KCNG2: variants seen among roughly 807,000 people sequenced by gnomAD.
KCNG2 encodes voltage-gated potassium channel regulatory subunit KCNG2.
In KCNG2, 7 loss-of-function variants were observed where a neutral mutation model predicts 12.3. That is an observed-to-expected ratio of 0.57 (90% CI 0.32 to 1.07). KCNG2 has a LOEUF of 1.07. Ranked by LOEUF, KCNG2 falls within the 50% of genes least tolerant of loss-of-function variation. The probability of loss-of-function intolerance (pLI) is 0.04; values close to 1 mark genes in which losing one functional copy is unlikely to be tolerated. For synonymous variants in KCNG2, 414 were observed against 351.4 expected, an observed-to-expected ratio of 1.18 and a Z score of -1.99; for missense variants, 703 against 726.0, an observed-to-expected ratio of 0.97 and a Z score of 0.36.
intron 1 of KCNG2, among the ~76,000 whole-genome samples, chr18:79,824,187 CAG>C (rs1308246225): frequency 6.6e-6 from 1 of 152,176 alleles, no homozygotes; most frequent in East Asian, 1.9e-4. Context: ...TTTGTAGAGA[CAG>C]GGTTTCGCCA....
chr18:79,866,576 C>T (rs1420382644), intron 3 of KCNG2, among the ~76,000 whole-genome samples: 2 of 120,238 alleles, frequency 1.7e-5, no homozygotes, highest in African/African-American at 6.4e-5. Context: ...GCCGAGGTCT[C>T]TGTGCTGAGA....
chr18:79,825,228 G>A (rs1290515406), intron 1 of KCNG2, among the ~76,000 whole-genome samples: 2 of 152,138 alleles, frequency 1.3e-5, no homozygotes, highest in African/African-American at 4.8e-5. Context: ...TTTCAAATGT[G>A]TTTGCAAAGA....
intron 3 of KCNG2, among the ~76,000 whole-genome samples, chr18:79,889,741 C>T (rs1980680537): frequency 6.6e-6 from 1 of 152,248 alleles, no homozygotes; most frequent in South Asian, 2.1e-4. Context: ...TTTAACCTGC[C>T]TGATCGTCCT....
intron 1 of KCNG2, among the ~76,000 whole-genome samples, chr18:79,828,179 C>T (rs979669803): frequency 1.3e-5 from 2 of 152,230 alleles, no homozygotes; most frequent in African/African-American, 2.4e-5. Flanking sequence ...CCCACCTCGG[C>T]CTCCCAAAGT....
At chr18:79,857,108 C>G (rs1255480168) in intron 2 of KCNG2, among the ~76,000 whole-genome samples, 2 of 125,078 alleles carry the variant, frequency 1.6e-5, no homozygotes, top group East Asian at 4.9e-4. Context: ...TTGGATGAAT[C>G]GGACTTGTCT....
chr18:79,878,372 T>C (rs12605440), intron 3 of KCNG2, among the ~76,000 whole-genome samples: 43,953 of 59,536 alleles, frequency 0.74, 16,725 homozygotes, highest in Middle Eastern at 0.9. Flanking sequence ...CTGATGCCCA[T>C]GTGGCAGTGT....
chr18:79,862,297 G>C (rs1037947109), intron 2 of KCNG2, among the ~76,000 whole-genome samples: 1 of 152,214 alleles, frequency 6.6e-6, no homozygotes, highest in Non-Finnish European at 1.5e-5. Flanking sequence ...AGTAACTTTT[G>C]TGAACTAATT....
At chr18:79,818,453 C>T (rs774418081) in intron 1 of KCNG2, among the ~76,000 whole-genome samples, 6 of 152,110 alleles carry the variant, frequency 3.9e-5, no homozygotes, top group African/African-American at 1.2e-4. Flanking sequence ...CTGGCCCCCT[C>T]GATTTTTCTA....
intron 1 of KCNG2, among the ~76,000 whole-genome samples, chr18:79,840,071 T>C (rs2123036146): frequency 6.6e-6 from 1 of 152,306 alleles, no homozygotes; most frequent in South Asian, 2.1e-4. Context: ...GCAAAAATGC[T>C]CACTTTCATC....
intron 3 of KCNG2, among the ~76,000 whole-genome samples, chr18:79,885,298 C>G (rs574700955): frequency 6.6e-6 from 1 of 152,364 alleles, no homozygotes; most frequent in South Asian, 2.1e-4. Context: ...GTGAGCCAGG[C>G]TGAACGTAGA....
chr18:79,871,389 G>C (rs1164356346), intron 3 of KCNG2, among the ~76,000 whole-genome samples: 1 of 152,208 alleles, frequency 6.6e-6, no homozygotes, highest in African/African-American at 2.4e-5. Context: ...CGCAGGCAGA[G>C]TTGTCCTGGA....
intron 1 of KCNG2, among the ~76,000 whole-genome samples, chr18:79,852,035 C>T (rs1450108484): frequency 2.0e-5 from 3 of 152,150 alleles, no homozygotes; most frequent in South Asian, 2.1e-4. Context: ...CCTTGCGGAC[C>T]GCGGCACTCA....
intron 1 of KCNG2, among the ~76,000 whole-genome samples, chr18:79,830,517 T>C (rs938635513): frequency 6.6e-6 from 1 of 152,116 alleles, no homozygotes; most frequent in African/African-American, 2.4e-5. Flanking sequence ...GTGTTCAAAG[T>C]AGGAAGGGTG....
At chr18:79,821,197 C>T (rs953003273) in intron 1 of KCNG2, among the ~76,000 whole-genome samples, 1 of 151,926 alleles carries the variant, frequency 6.6e-6, no homozygotes, top group African/African-American at 2.4e-5. Context: ...TTGCCAAATC[C>T]AACATCATGA....
chr18:79,833,534 G>A (rs1220290523), intron 1 of KCNG2, among the ~76,000 whole-genome samples: 1 of 152,222 alleles, frequency 6.6e-6, no homozygotes, highest in Non-Finnish European at 1.5e-5. Flanking sequence ...TTAGCATCAT[G>A]TCTGAGAAGT....
chr18:79,804,388 G>A (rs927057874), intron 1 of KCNG2, among the ~76,000 whole-genome samples: 2 of 152,216 alleles, frequency 1.3e-5, no homozygotes, highest in Non-Finnish European at 2.9e-5. Flanking sequence ...CTCCAGGGGG[G>A]ACTCAGCACC....
In KCNG2 at chr18:79,829,516, CGTCTCTGCCTCCCTACGGCCGGTGG is replaced by C. The variant is rs1277907393; in HGVS notation, c.-114-26851_-114-26827del. Reference sequence around the variant, plus strand: ...TGTGGGTCTTTGCCTCACACCAGTCCGTCTCTGCCTCCCTACGGCCGGTGGGTCTCTGCCTCACATCGGTCCGTCT... The same window carrying C: ...TGTGGGTCTTTGCCTCACACCAGTCCGTCTCTGCCTCACATCGGTCCGTCT... On this transcript the variant is annotated intron_variant, in intron 1 of 3. Coordinates refer to ENST00000316249, the MANE Select transcript of KCNG2 (RefSeq NM_012283.2). Among the ~76,000 whole-genome samples, 3 of 152,234 alleles carry C rather than the reference CGTCTCTGCCTCCCTACGGCCGGTGG, an allele frequency of 2.0e-5. No individual in the cohort carries two copies. The East Asian group carries it at 5.8e-4, about 29-fold the overall frequency.
At chr18:79,870,661 T>C (rs763937953) in intron 3 of KCNG2, among the ~76,000 whole-genome samples, 2 of 152,228 alleles carry the variant, frequency 1.3e-5, no homozygotes, top group Non-Finnish European at 2.9e-5. Flanking sequence ...TTCAGGCTGA[T>C]TTTTGGCTCT....
At chr18:79,867,454 G>C (rs1385862220) in intron 3 of KCNG2, among the ~76,000 whole-genome samples, 1 of 12,710 alleles carries the variant, frequency 7.9e-5, no homozygotes, top group African/African-American at 1.2e-4. Context: ...GTCGTGTCTT[G>C]GGGGGGGGAC....
Sources: gnomAD v4.1 joint callset for allele counts (sites outside exome capture counted in the v4.1 genomes callset) on GRCh38, gnomAD v4.1.1 for gene constraint, MANE v1.5 for transcripts, NCBI Gene and HGNC (gene_info 2026-07-23, HGNC 2026-07-21) for gene names.